CCDC3: variants seen among roughly 807,000 people sequenced by gnomAD.
CCDC3 encodes the protein coiled-coil domain-containing protein 3.
A neutral mutation model predicts 21.4 loss-of-function variants in CCDC3; 24 were observed. The ratio of observed to expected loss-of-function variants is 1.12; its 90% CI spans 0.81 to 1.58. The LOEUF is 1.58. Among genes scored for constraint, CCDC3 ranks in the 40% most tolerant of loss-of-function variants. The pLI is 0.00. For missense variants in CCDC3, 425 were observed against 360.9 expected, an observed-to-expected ratio of 1.18 and a Z score of -1.44; for synonymous variants, 186 against 166.0, an observed-to-expected ratio of 1.12 and a Z score of -0.93.
intron 2 of CCDC3, among the ~76,000 whole-genome samples, chr10:12,908,595 T>G (rs1834213605): frequency 6.7e-6 from 1 of 149,966 alleles, no homozygotes; most frequent in African/African-American, 2.5e-5. Flanking sequence ...GATTCTTGGC[T>G]AAGAACTGTG....
At chr10:12,997,561 C>A (rs1033514924) in intron 2 of CCDC3, among the ~76,000 whole-genome samples, 7 of 152,204 alleles carry the variant, frequency 4.6e-5, no homozygotes, top group Non-Finnish European at 8.8e-5. Context: ...GGCCATCCTG[C>A]ACCTCTATGT....
intron 2 of CCDC3, among the ~76,000 whole-genome samples, chr10:12,921,739 CTGTTTTT>C (rs914167247): frequency 4.0e-4 from 55 of 136,590 alleles, no homozygotes; most frequent in African/African-American, 8.8e-4. Flanking sequence ...TAGCCGGTTT[CTGTTTTT>C]TGTTTTTTGT....
chr10:13,008,205 G>C (rs1210288610), intron 5 of CCDC3, among the ~76,000 whole-genome samples: 2 of 152,336 alleles, frequency 1.3e-5, no homozygotes, highest in East Asian at 3.9e-4. Context: ...CCCAACATGG[G>C]TTTCAGAAGC....
chr10:13,086,466 CT>C (rs1040375930), intron 3 of CCDC3, among the ~76,000 whole-genome samples: 1 of 151,948 alleles, frequency 6.6e-6, no homozygotes, highest in Admixed American at 6.6e-5. Flanking sequence ...AGGTTTCTTT[CT>C]TTTTTTTGAG....
rs544144904 is a variant in CCDC3 at position 12,961,295 on chromosome 10, G to A, written c.549+37043C>T. 9.8e-5 allele frequency among the ~76,000 whole-genome samples: 15 copies of A among 152,294 alleles called. No homozygotes were observed. The South Asian group carries it at 3.1e-3, about 32-fold the overall frequency. ...ATTGTGAAAATCTAGCATCCCAAGA[G>A]CCTGCCAAGTGGCCGCTACCTACTA... On this transcript the variant is annotated intron_variant, in intron 2 of 2. Coordinates refer to ENST00000378825, the MANE Select transcript of CCDC3 (RefSeq NM_031455.4).
chr10:12,922,893 C>G (rs546640704), intron 2 of CCDC3, among the ~76,000 whole-genome samples: 1 of 152,300 alleles, frequency 6.6e-6, no homozygotes, highest in African/African-American at 2.4e-5. Flanking sequence ...GAGCCCGGAG[C>G]CTTCCGGACT....
chr10:13,011,707 A>G (rs1406083845), intron 5 of CCDC3, among the ~76,000 whole-genome samples: 1 of 152,192 alleles, frequency 6.6e-6, no homozygotes, highest in African/African-American at 2.4e-5. Flanking sequence ...CTATTCCAAA[A>G]TGTATATGGA....
chr10:13,096,524 G>A (rs1036008192), intron 3 of CCDC3, among the ~76,000 whole-genome samples: 31 of 152,098 alleles, frequency 2.0e-4, no homozygotes, highest in Middle Eastern at 3.4e-3. Context: ...ACCTATTTTC[G>A]GGCACCACTG....
chr10:12,990,950 G>A (rs768142391), intron 2 of CCDC3, among the ~76,000 whole-genome samples: 3 of 152,182 alleles, frequency 2.0e-5, no homozygotes, highest in Non-Finnish European at 4.4e-5. Context: ...TTTGGGTGCA[G>A]TATCAAAGAA....
chr10:13,040,009 T>C (rs995244953), intron 5 of CCDC3, among the ~76,000 whole-genome samples: 3 of 151,942 alleles, frequency 2.0e-5, no homozygotes, highest in Admixed American at 2.0e-4. Context: ...AGCTTGATAG[T>C]CTATGAATAT....
intron 2 of CCDC3, among the ~76,000 whole-genome samples, chr10:12,919,358 G>C (rs903154422): frequency 6.6e-6 from 1 of 152,172 alleles, no homozygotes; most frequent in Non-Finnish European, 1.5e-5. Flanking sequence ...GGGAGGCTGA[G>C]GCCGGCGGAT....
intron 4 of CCDC3, chr10:13,058,530 G>A (rs1223495160): frequency 1.4e-6 from 1 of 731,138 alleles, no homozygotes; most frequent in African/African-American, 1.7e-5. Flanking sequence ...CTATCATCCT[G>A]TATTTGGGTG....
intron 2 of CCDC3, among the ~76,000 whole-genome samples, chr10:12,938,311 T>G (rs1396227917): frequency 6.6e-6 from 1 of 151,136 alleles, no homozygotes; most frequent in African/African-American, 2.4e-5. Flanking sequence ...CGTTCAATAC[T>G]TTTAGCCCCC....
chr10:12,918,752 G>GA (rs907457985), intron 2 of CCDC3, among the ~76,000 whole-genome samples: 87 of 151,924 alleles, frequency 5.7e-4, no homozygotes, highest in Non-Finnish European at 1.1e-3. Context: ...TTATCGAGTA[G>GA]AAAAAAAAGA....
At chr10:13,071,153 A>G (rs1229458028) in intron 4 of CCDC3, among the ~76,000 whole-genome samples, 2 of 152,164 alleles carry the variant, frequency 1.3e-5, no homozygotes, top group Admixed American at 1.3e-4. Flanking sequence ...GCCAAGCCCC[A>G]TGCGTCCAAA....
intron 5 of CCDC3, among the ~76,000 whole-genome samples, chr10:13,046,527 A>AC (rs1397490566): frequency 7.0e-6 from 1 of 142,346 alleles, no homozygotes; most frequent in Non-Finnish European, 1.5e-5. Context: ...ATGTGGTGAA[A>AC]CCCCATCTCT....
intron 3 of CCDC3, among the ~76,000 whole-genome samples, chr10:13,085,263 G>A (rs1010321978): frequency 2.6e-5 from 4 of 152,114 alleles, no homozygotes; most frequent in African/African-American, 7.2e-5. Flanking sequence ...GAAACTTTAC[G>A]GCTCTGTCAC....
chr10:13,072,589 C>T (rs1359995320), intron 4 of CCDC3, among the ~76,000 whole-genome samples: 1 of 152,150 alleles, frequency 6.6e-6, no homozygotes, highest in South Asian at 2.1e-4. Flanking sequence ...GAGGAGCCTG[C>T]TCTTCAGTTC....
At chr10:13,011,797 G>A (rs1835987040) in intron 5 of CCDC3, among the ~76,000 whole-genome samples, 1 of 152,012 alleles carries the variant, frequency 6.6e-6, no homozygotes, top group African/African-American at 2.4e-5. Flanking sequence ...ACTTCAAACA[G>A]TACTATAAGG....
Sources: gnomAD v4.1 joint callset for allele counts (sites outside exome capture counted in the v4.1 genomes callset) on GRCh38, gnomAD v4.1.1 for gene constraint, MANE v1.5 for transcripts, NCBI Gene and HGNC (gene_info 2026-07-23, HGNC 2026-07-21) for gene names.